FUT9: variants seen among roughly 807,000 people sequenced by gnomAD.
FUT9 encodes 4-galactosyl-N-acetylglucosaminide 3-alpha-L-fucosyltransferase 9.
In FUT9, 15 loss-of-function variants were observed where a neutral mutation model predicts 29.7. That is an observed-to-expected ratio of 0.51 (90% CI 0.34 to 0.78). The LOEUF (loss-of-function observed/expected upper bound fraction) is 0.78, where lower values mean the gene tolerates loss of function less well. Among genes scored for constraint, FUT9 ranks in the 30% least tolerant of loss-of-function variants. The pLI, the probability that FUT9 is intolerant of heterozygous loss-of-function variation, is 0.01. For missense variants in FUT9, 319 were observed against 425.4 expected (o/e 0.75, Z 2.20); for synonymous variants, 169 against 153.7 (o/e 1.10, Z -0.74).
intron 1 of FUT9, among the ~76,000 whole-genome samples, chr6:96,102,718 G>A (rs537051913): frequency 6.6e-6 from 1 of 152,056 alleles, no homozygotes; most frequent in Non-Finnish European, 1.5e-5. Context: ...GCTTTTTCAG[G>A]TTGAAAAATC....
At chr6:96,030,433 G>C (rs952972154) in intron 1 of FUT9, among the ~76,000 whole-genome samples, 4 of 151,470 alleles carry the variant, frequency 2.6e-5, no homozygotes, top group Non-Finnish European at 5.9e-5. Context: ...AGACCTATTA[G>C]AGCAAAATGA....
chr6:96,203,455 C>A lies in FUT9; in HGVS notation c.300C>A (p.Tyr100Ter). The A allele has an allele frequency of 6.2e-7, 1 of 1,608,156 alleles. No homozygotes were observed. Among genetic ancestry groups the A allele is most frequent in the East Asian group, 2.2e-5 (1 of 44,852 alleles). ...ATCTCACAACGGACCGTTCACTGTA[C>A]AACAAATCCCATGCAGTTCTGATCC... ...GCHLTTDRSL[Y>*]NKSHAVLIHH... The change falls in exon 3 of 3, where the codon TAC becomes TAA. Residue 100 changes from tyrosine to a stop codon, truncating the protein, a stop_gained. Transcript: ENST00000302103. LOFTEE classifies it high-confidence loss of function.
chr6:96,208,812 CA>C lies in FUT9; in HGVS notation c.*4578del, dbSNP rs1206003791. Reference sequence around the variant, plus strand: ...TATAAAGTGCGAGCACTGTGAAGGGCAGATATCTATTACCAAACCACATGGA... The same window carrying C: ...TATAAAGTGCGAGCACTGTGAAGGGCGATATCTATTACCAAACCACATGGA... On this transcript the variant is annotated 3_prime_UTR_variant, in exon 3 of 3. Coordinates refer to ENST00000302103, the MANE Select transcript of FUT9 (RefSeq NM_006581.4). 1.8e-5 allele frequency: 3 copies of C among 166,564 alleles called. No homozygotes were observed. Among genetic ancestry groups the C allele is most frequent in the Non-Finnish European group, 2.9e-5 (2 of 67,970 alleles). The allele number at this position is 166,564 out of a possible 1,614,324, so 10.3% of individuals were successfully genotyped here.
chr6:96,083,782 C>G (rs1389401260), intron 1 of FUT9, among the ~76,000 whole-genome samples: 1 of 151,878 alleles, frequency 6.6e-6, no homozygotes, highest in African/African-American at 2.4e-5. Context: ...GCATAATAAC[C>G]CTTCAAATAT....
intron 2 of FUT9, among the ~76,000 whole-genome samples, chr6:96,155,293 G>A (rs1772758890): frequency 6.6e-6 from 1 of 152,100 alleles, no homozygotes. Context: ...TTTTTGGGAG[G>A]GGAGAGAGTG....
chr6:96,062,414 T>A (rs1473346837), intron 1 of FUT9, among the ~76,000 whole-genome samples: 1 of 152,178 alleles, frequency 6.6e-6, no homozygotes, highest in African/African-American at 2.4e-5. Flanking sequence ...TATTTGGAGT[T>A]ATCTATGTAA....
At chr6:96,192,688 G>A (rs4840239) in intron 2 of FUT9, among the ~76,000 whole-genome samples, 138,771 of 152,046 alleles carry the variant, frequency 0.91, 64,678 homozygotes, top group Non-Finnish European at 1. Context: ...TCTTCACAGA[G>A]TTGGAAAAAA....
Position 96,207,939 on chromosome 6 carries a change from T to G in FUT9, c.*3704T>G, listed in dbSNP as rs571376764. ...GAGAGCCTGACAGTCATATATATTA[T>G]GACAGCTGTATATCTGACAATATGA... On this transcript the variant is annotated 3_prime_UTR_variant, in exon 3 of 3. Coordinates refer to ENST00000302103, the MANE Select transcript of FUT9 (RefSeq NM_006581.4). The G allele has an allele frequency of 1.4e-4, 24 of 166,822 alleles. No individual in the cohort carries two copies. Among genetic ancestry groups the G allele is most frequent in the African/African-American group, 5.8e-4 (24 of 41,508 alleles). The allele number at this position is 166,822 out of a possible 1,614,324, so 10.3% of individuals were successfully genotyped here.
intron 1 of FUT9, among the ~76,000 whole-genome samples, chr6:96,046,137 T>A (rs1423839696): frequency 7.7e-6 from 1 of 130,242 alleles, no homozygotes; most frequent in African/African-American, 3.2e-5. Context: ...TCTACAGCAG[T>A]GTCTTTCAAA....
chr6:96,042,812 G>C (rs1411433233), intron 1 of FUT9, among the ~76,000 whole-genome samples: 1 of 152,010 alleles, frequency 6.6e-6, no homozygotes, highest in Non-Finnish European at 1.5e-5. Context: ...CCATTATTCT[G>C]TTCATTTCAC....
At chr6:96,128,626 A>G (rs1772175796) in intron 2 of FUT9, among the ~76,000 whole-genome samples, 1 of 152,172 alleles carries the variant, frequency 6.6e-6, no homozygotes, top group South Asian at 2.1e-4. Flanking sequence ...TACCTGTGGT[A>G]ATTTATTCAT....
At chr6:96,098,209 G>A (rs1015258197) in intron 1 of FUT9, among the ~76,000 whole-genome samples, 3 of 151,932 alleles carry the variant, frequency 2.0e-5, no homozygotes, top group Non-Finnish European at 4.4e-5. Flanking sequence ...CTCCAATTTT[G>A]TCAACTACTT....
In FUT9 at chr6:96,170,892, A is replaced by C. The variant is rs931359599; in HGVS notation, c.-8-32256A>C. ...TCTAAGTTACTCATAACAGTGATTTAGTACATAAATGAAGTAACTGTCTAC... is the reference window on the plus strand; with the variant it reads ...TCTAAGTTACTCATAACAGTGATTTCGTACATAAATGAAGTAACTGTCTAC... On this transcript the variant is annotated intron_variant, in intron 2 of 2. Transcript: ENST00000302103. Among the ~76,000 whole-genome samples the C allele has an allele frequency of 3.3e-5, 5 of 152,298 alleles. No individual in the cohort carries two copies. The South Asian group carries it at 1.0e-3, about 32-fold the overall frequency.
At chr6:96,168,783 T>A (rs1773058884) in intron 2 of FUT9, among the ~76,000 whole-genome samples, 1 of 152,138 alleles carries the variant, frequency 6.6e-6, no homozygotes. Context: ...AGATGAGAGA[T>A]ATCTTTGTAT....
intron 1 of FUT9, among the ~76,000 whole-genome samples, chr6:96,087,207 C>A: frequency 6.6e-6 from 1 of 151,996 alleles, no homozygotes; most frequent in South Asian, 2.1e-4. Context: ...TCTCTTTTAT[C>A]TCTATTATTG....
chr6:96,031,543 G>T (rs1035404223), intron 1 of FUT9, among the ~76,000 whole-genome samples: 1 of 151,394 alleles, frequency 6.6e-6, no homozygotes, highest in African/African-American at 2.4e-5. Flanking sequence ...TAGCAAACTG[G>T]TCTAGTAAAA....
chr6:96,165,672 G>C (rs1773002672), intron 2 of FUT9, among the ~76,000 whole-genome samples: 1 of 152,068 alleles, frequency 6.6e-6, no homozygotes, highest in Non-Finnish European at 1.5e-5. Flanking sequence ...CTGGAATGCA[G>C]TGGCGTGATC....
intron 1 of FUT9, among the ~76,000 whole-genome samples, chr6:96,080,658 C>T (rs925126393): frequency 1.3e-5 from 2 of 151,822 alleles, no homozygotes; most frequent in Non-Finnish European, 2.9e-5. Context: ...GACCATGTAC[C>T]TTCTTCCATT....
chr6:96,111,575 AC>A (rs1309943653), intron 1 of FUT9, among the ~76,000 whole-genome samples: 1 of 151,102 alleles, frequency 6.6e-6, no homozygotes, highest in Non-Finnish European at 1.5e-5. Flanking sequence ...ACACACACAC[AC>A]ACACACACAA....
Sources: gnomAD v4.1 joint callset for allele counts (sites outside exome capture counted in the v4.1 genomes callset) on GRCh38, gnomAD v4.1.1 for gene constraint, MANE v1.5 for transcripts, NCBI Gene and HGNC (gene_info 2026-07-23, HGNC 2026-07-21) for gene names.